CLIC1: variants seen among roughly 807,000 people sequenced by gnomAD.
CLIC1 encodes the protein CLIC family member 1.
Under a neutral mutation model 26.4 loss-of-function variants are expected in CLIC1, and 16 were observed. That is an observed-to-expected ratio of 0.61 (90% CI 0.41 to 0.92). The LOEUF is 0.92. Among genes scored for constraint, CLIC1 ranks in the 40% least tolerant of loss-of-function variants. The pLI is 0.00. For missense variants in CLIC1, 225 were observed against 289.7 expected (o/e 0.78, Z 1.62); for synonymous variants, 98 against 120.8 (o/e 0.81, Z 1.24).
chr6:31,736,987 G>A, upstream of CLIC1: 1 of 982,928 alleles, frequency 1.0e-6, no homozygotes, highest in Non-Finnish European at 1.2e-6. This position sits in a 1 kb window ranked among gnomAD's most constrained non-coding sequence, Gnocchi z 5.0. Context: ...TGGGATTAGG[G>A]AAGGGGTGAC....
In CLIC1 at chr6:31,734,121, CA is replaced by C. The variant is rs771023111; in HGVS notation, c.149+32del. The stretch of plus-strand genomic sequence containing the variant: ...TGTGTGTTTGCACACATGTGTACAC[CA>C]GGGGTGTTTCAAGGAACATAAGCAG... On this transcript the variant is annotated intron_variant, in intron 2 of 5. Coordinates refer to ENST00000375784, the Ensembl canonical transcript of CLIC1. The surrounding 1 kb of genome is among the most constrained non-coding windows in gnomAD (Gnocchi z 5.3). 3.1e-6 allele frequency: 5 copies of C among 1,595,064 alleles called. No homozygotes were observed. Among genetic ancestry groups the C allele is most frequent in the Non-Finnish European group, 4.3e-6 (5 of 1,162,914 alleles).
intron 5 of CLIC1, among the ~76,000 whole-genome samples, chr6:31,731,910 T>C (rs1807985603): frequency 6.6e-6 from 1 of 152,214 alleles, no homozygotes; most frequent in African/African-American, 2.4e-5. Context: ...CTCTGTCTAA[T>C]CTGGGAATTT....
Position 31,732,997 on chromosome 6 carries a change from C to T in CLIC1, c.382+569G>A, listed in dbSNP as rs568700052. Among the ~76,000 whole-genome samples, 255 of 151,878 alleles carry T rather than the reference C, an allele frequency of 1.7e-3. No individual in the cohort carries two copies. Among genetic ancestry groups the T allele is most frequent in the African/African-American group, 5.8e-3 (239 of 41,452 alleles). ...ATTAGCTGGGCGTGGTGATGCACGTCTGTAATCCCAGCTACTCAGGAGGCT... is the reference window on the plus strand; with the variant it reads ...ATTAGCTGGGCGTGGTGATGCACGTTTGTAATCCCAGCTACTCAGGAGGCT... On this transcript the variant is annotated intron_variant, in intron 4 of 5. Transcript: ENST00000375784. This position sits in a 1 kb window ranked among gnomAD's most constrained non-coding sequence, Gnocchi z 5.0.
intron 1 of CLIC1, among the ~76,000 whole-genome samples, chr6:31,735,395 G>T (rs9267553): frequency 2.0e-5 from 3 of 151,036 alleles, no homozygotes; most frequent in Non-Finnish European, 4.4e-5. Context: ...GCAATCAGAG[G>T]GGGGCTGGGT....
chr6:31,733,462 T>C lies in CLIC1; in HGVS notation c.382+104A>G. 1.3e-6 allele frequency: 1 copy of C among 782,174 alleles called. No homozygotes were observed. The highest frequency in any genetic ancestry group is 2.2e-6 in the Non-Finnish European group (1 of 460,964). 48.5% of individuals were successfully genotyped at this position (782,174 alleles called of 1,614,324 possible). Reference sequence around the variant, plus strand: ...CTGGGGGAAATTTACGAACATCTGCTTCATCTCCCTGATATCTGAACGTCC... The same window carrying C: ...CTGGGGGAAATTTACGAACATCTGCCTCATCTCCCTGATATCTGAACGTCC... On this transcript the variant is annotated intron_variant, in intron 4 of 5. Transcript: ENST00000375784. The surrounding 1 kb of genome is among the most constrained non-coding windows in gnomAD (Gnocchi z 5.4).
In CLIC1 at chr6:31,734,370, CA is replaced by C. The variant is rs1808198782; in HGVS notation, c.40-108del. The C allele has an allele frequency of 1.3e-6, 1 of 799,642 alleles. No homozygotes were observed. The highest frequency in any genetic ancestry group is 2.6e-5 in the East Asian group (1 of 37,818). The allele number at this position is 799,642 out of a possible 1,614,324, so 49.5% of individuals were successfully genotyped here. A position where few individuals can be genotyped will look rare whatever the true frequency, so the allele number is the denominator to read the frequency against. ...CCAGCTGTTTTCTGCCTAGTCATGA[CA>C]CATACACTGTCCCCTCACTATGGGC... On this transcript the variant is annotated intron_variant, in intron 1 of 5. Transcript: ENST00000375784. This position sits in a 1 kb window ranked among gnomAD's most constrained non-coding sequence, Gnocchi z 5.3.
In CLIC1 at chr6:31,733,604, G is replaced by A. The variant is rs780108306; in HGVS notation, c.344C>T (p.Ser115Phe). ...TGGGTTTGAATTCTTGATGTAGGCAGAAAATTTGGCAAATATGTCCAGCCC... is the reference window on the plus strand; with the variant it reads ...TGGGTTTGAATTCTTGATGTAGGCAAAAAATTTGGCAAATATGTCCAGCCC... The change falls in exon 4 of 6, where the codon TCT becomes TTT. Residue 115 changes from serine (S) to phenylalanine (F), a missense_variant. Ser to Phe is a radical substitution (Grantham distance 155, BLOSUM62 -2). Transcript: ENST00000375784. The surrounding 1 kb of genome is among the most constrained non-coding windows in gnomAD (Gnocchi z 5.4). 1 of 1,613,054 alleles carries A rather than the reference G, an allele frequency of 6.2e-7. No individual in the cohort carries two copies. The highest frequency in any genetic ancestry group is 1.3e-5 in the African/African-American group (1 of 75,034).
In CLIC1 at chr6:31,732,431, G is replaced by C; in HGVS notation, c.383-33C>G. 7.1e-7 allele frequency: 1 copy of C among 1,406,230 alleles called. No individual in the cohort carries two copies. The allele number at this position is 1,406,230 out of a possible 1,614,324, so 87.1% of individuals were successfully genotyped here. A position where few individuals can be genotyped will look rare whatever the true frequency, so the allele number is the denominator to read the frequency against. On this transcript the variant is annotated intron_variant, in intron 4 of 5. Coordinates refer to ENST00000375784, the Ensembl canonical transcript of CLIC1. This position sits in a 1 kb window ranked among gnomAD's most constrained non-coding sequence, Gnocchi z 5.0. ...AGAGAGGGAACTGATTAGAACTTCA[G>C]GAAAAGATTGACATAGTCCGAAAAG...
chr6:31,731,986 A>G (rs537163905), intron 5 of CLIC1, among the ~76,000 whole-genome samples: 1 of 152,300 alleles, frequency 6.6e-6, no homozygotes, highest in South Asian at 2.1e-4. Flanking sequence ...CCTCTTTGCT[A>G]GTCTGTTTGC....
At position 31,730,609 on chromosome 6, in the gene CLIC1, G is replaced by A; in HGVS notation, c.*233C>T. The A allele has an allele frequency of 1.9e-6, 1 of 537,794 alleles. No homozygotes were observed. The highest frequency in any genetic ancestry group is 3.3e-6 in the Non-Finnish European group (1 of 302,070). The allele number at this position is 537,794 out of a possible 1,614,324, so 33.3% of individuals were successfully genotyped here. On this transcript the variant is annotated 3_prime_UTR_variant, in exon 6 of 6. Transcript: ENST00000375784. The surrounding 1 kb of genome is among the most constrained non-coding windows in gnomAD (Gnocchi z 5.1). ...CGTAAAAACACTTGATTTTTATTCT[G>A]TATTTTATTACTGAAATATGTTGTC...
upstream of CLIC1, chr6:31,736,778 A>G: frequency 1.0e-6 from 1 of 993,300 alleles, no homozygotes; most frequent in African/African-American, 1.7e-5. The surrounding 1 kb of genome is among the most constrained non-coding windows in gnomAD (Gnocchi z 5.0). Context: ...ACCCTCATAT[A>G]AAAAACTTGA....
At position 31,732,367 on chromosome 6, in the gene CLIC1, C is replaced by G. The variant is rs565008674; in HGVS notation, c.414G>C (p.Lys138Asn). ...GGGATGTTAAGTAATTGTCTAAAACCTTCAGGGCTTTCAGGAGTCCCTTCT... is the reference window on the plus strand; with the variant it reads ...GGGATGTTAAGTAATTGTCTAAAACGTTCAGGGCTTTCAGGAGTCCCTTCT... The change falls in exon 5 of 6, where the codon AAG becomes AAC. Residue 138 changes from lysine to asparagine, a missense_variant. Physicochemically the swap from Lys to Asn is moderately conservative, Grantham distance 94 (BLOSUM62 0). Coordinates refer to ENST00000375784, the Ensembl canonical transcript of CLIC1. This position sits in a 1 kb window ranked among gnomAD's most constrained non-coding sequence, Gnocchi z 5.0. The G allele has an allele frequency of 4.4e-5, 69 of 1,563,778 alleles. 1 individual carries two copies. Among genetic ancestry groups the G allele is most frequent in the East Asian group, 2.6e-4 (11 of 41,864 alleles).
intron 5 of CLIC1, among the ~76,000 whole-genome samples, chr6:31,731,649 T>C (rs955614822): frequency 7.2e-5 from 11 of 152,244 alleles, no homozygotes; most frequent in African/African-American, 1.9e-4. Flanking sequence ...GAATATTTTA[T>C]TGTCTCAGAT....
rs771224179 is a variant in CLIC1, at chr6:31,730,838, G to A, written c.*4C>T. 3.7e-6 allele frequency: 6 copies of A among 1,612,878 alleles called. No individual in the cohort carries two copies. The South Asian group carries it at 5.5e-5, about 15-fold the overall frequency. On this transcript the variant is annotated 3_prime_UTR_variant, in exon 6 of 6. Coordinates refer to ENST00000375784, the Ensembl canonical transcript of CLIC1. The surrounding 1 kb of genome is among the most constrained non-coding windows in gnomAD (Gnocchi z 5.1). Reference sequence around the variant, plus strand: ...GAGGGGGTTGAGGGAGTCCCAGGAGGGGCTTATTTGAGGGCCTTTGCCACT... The same window carrying A: ...GAGGGGGTTGAGGGAGTCCCAGGAGAGGCTTATTTGAGGGCCTTTGCCACT...
chr6:31,733,930 CT>C lies in CLIC1; in HGVS notation c.180del (p.Gln63SerfsTer37), dbSNP rs773911287. ...TACAGCAGGAATGGGAGCTGCCCCC[CT>C]GGGCACAGCTTCTGCACTGTCTCGG... On this transcript the variant is annotated frameshift_variant, in exon 3 of 6. Transcript: ENST00000375784. LOFTEE classifies it high-confidence loss of function. The surrounding 1 kb of genome is among the most constrained non-coding windows in gnomAD (Gnocchi z 5.4). The C allele has an allele frequency of 2.5e-6, 4 of 1,613,950 alleles. No individual in the cohort carries two copies. The highest frequency in any genetic ancestry group is 1.7e-5 in the Admixed American group (1 of 60,008).
rs1000211682 is a variant in CLIC1 at position 31,732,963 on chromosome 6, A to T, written c.383-565T>A. ...ATGGTGAAACCCTGTCTCTACTAAA[A>T]ATACAAAAATTAGCTGGGCGTGGTG... On this transcript the variant is annotated intron_variant, in intron 4 of 5. Coordinates refer to ENST00000375784, the Ensembl canonical transcript of CLIC1. The surrounding 1 kb of genome is among the most constrained non-coding windows in gnomAD (Gnocchi z 5.0). 1.1e-4 allele frequency among the ~76,000 whole-genome samples: 17 copies of T among 151,770 alleles called. No homozygotes were observed. The highest frequency in any genetic ancestry group is 9.8e-4 in the Admixed American group (15 of 15,250).
rs1010263130 is a variant in CLIC1, at chr6:31,733,016, G to A, written c.382+550C>T. On this transcript the variant is annotated intron_variant, in intron 4 of 5. Coordinates refer to ENST00000375784, the Ensembl canonical transcript of CLIC1. This position sits in a 1 kb window ranked among gnomAD's most constrained non-coding sequence, Gnocchi z 5.4. ...GCACGTCTGTAATCCCAGCTACTCA[G>A]GAGGCTGAGGCAGGAGAATTGCTTG... 6.6e-6 allele frequency among the ~76,000 whole-genome samples: 1 copy of A among 151,852 alleles called. No individual in the cohort carries two copies. Among genetic ancestry groups the A allele is most frequent in the Non-Finnish European group, 1.5e-5 (1 of 67,974 alleles).
chr6:31,735,848 C>CACA (rs1411825167), intron 1 of CLIC1, among the ~76,000 whole-genome samples: 1 of 151,012 alleles, frequency 6.6e-6, no homozygotes, highest in Non-Finnish European at 1.5e-5. Flanking sequence ...CACACACACA[C>CACA]ACCTCTCCTA....
At position 31,733,887 on chromosome 6, in the gene CLIC1, G is replaced by A; in HGVS notation, c.224C>T (p.Thr75Ile). 6.2e-7 allele frequency: 1 copy of A among 1,614,112 alleles called. No homozygotes were observed. Among genetic ancestry groups the A allele is most frequent in the Non-Finnish European group, 8.5e-7 (1 of 1,180,036 alleles). Residue 75 changes from threonine to isoleucine, a missense_variant, in exon 3 of 6, where the codon ACA becomes ATA. Transcript: ENST00000375784. This position sits in a 1 kb window ranked among gnomAD's most constrained non-coding sequence, Gnocchi z 5.4. ...AAATTCCTCAATCTTGTTGGTGTCT[G>A]TGTGCACTTCAGTGCCATACAGCAG...
Sources: gnomAD v4.1 joint callset for allele counts (sites outside exome capture counted in the v4.1 genomes callset) on GRCh38, gnomAD v4.1.1 for gene constraint, Gnocchi (gnomAD v3.1) non-coding constraint, MANE v1.5 for transcripts, NCBI Gene and HGNC (gene_info 2026-07-23, HGNC 2026-07-21) for gene names.